Variants in HS3ST4 observed in about 807,000 individuals in gnomAD.
HS3ST4 encodes the protein heparan sulfate glucosamine 3-O-sulfotransferase 4.
Under a neutral mutation model 29.2 loss-of-function variants are expected in HS3ST4, and 17 were observed. The ratio of observed to expected loss-of-function variants is 0.58; its 90% CI spans 0.40 to 0.87. The LOEUF (loss-of-function observed/expected upper bound fraction) is 0.87, where lower values mean the gene tolerates loss of function less well. HS3ST4 is among the 40% of genes least tolerant of loss of function. The pLI is 0.00. For synonymous variants in HS3ST4, 314 were observed against 285.7 expected (o/e 1.10, Z -1.00); for missense variants, 627 against 634.5 (o/e 0.99, Z 0.13).
chr16:25,718,656 T>C (rs1966473809), intron 1 of HS3ST4, among the ~76,000 whole-genome samples: 1 of 152,216 alleles, frequency 6.6e-6, no homozygotes. Flanking sequence ...GGTGAGTTTC[T>C]CCAATTAGGT....
intron 1 of HS3ST4, among the ~76,000 whole-genome samples, chr16:26,066,162 T>C (rs769128794): frequency 5.3e-5 from 8 of 152,234 alleles, no homozygotes; most frequent in Non-Finnish European, 1.2e-4. Flanking sequence ...ACTTGCTTTG[T>C]AAGTGATTTG....
chr16:26,023,448 A>G (rs1316460614), intron 1 of HS3ST4, among the ~76,000 whole-genome samples: 1 of 152,024 alleles, frequency 6.6e-6, no homozygotes, highest in African/African-American at 2.4e-5. Context: ...CACCCAGGCT[A>G]GAGTGCAATG....
chr16:26,062,613 T>G (rs993469803), intron 1 of HS3ST4: 2 of 149,004 alleles, frequency 1.3e-5, no homozygotes, highest in Non-Finnish European at 1.5e-5. Context: ...TGGTATAGTT[T>G]TTTTTTTTTT....
intron 1 of HS3ST4, among the ~76,000 whole-genome samples, chr16:25,747,193 G>A: frequency 6.6e-6 from 1 of 152,168 alleles, no homozygotes; most frequent in African/African-American, 2.4e-5. Flanking sequence ...AGAGAAACTT[G>A]ATATTTGGCA....
At chr16:26,102,446 C>T (rs2141797462) in intron 1 of HS3ST4, among the ~76,000 whole-genome samples, 1 of 152,278 alleles carries the variant, frequency 6.6e-6, no homozygotes, top group Middle Eastern at 3.4e-3. Flanking sequence ...GCACAACCAC[C>T]ACTGTTTCTA....
chr16:25,853,602 TA>T (rs1967543317), intron 1 of HS3ST4, among the ~76,000 whole-genome samples: 2 of 152,232 alleles, frequency 1.3e-5, no homozygotes, highest in South Asian at 4.1e-4. Flanking sequence ...TGAAAGTTTT[TA>T]TCATGAAAGG....
intron 1 of HS3ST4, among the ~76,000 whole-genome samples, chr16:25,695,945 TG>T: frequency 6.6e-6 from 1 of 152,302 alleles, no homozygotes; most frequent in Non-Finnish European, 1.5e-5. Flanking sequence ...ACAGCTGGCT[TG>T]GGGTTTTCTC....
At chr16:26,006,785 G>A (rs112022237) in intron 1 of HS3ST4, among the ~76,000 whole-genome samples, 1,840 of 152,298 alleles carry the variant, frequency 0.012, 45 homozygotes, top group African/African-American at 0.042. Flanking sequence ...ATAATGGCTG[G>A]TAATTATTTA....
At chr16:25,802,171 AAAAC>A (rs1182524557) in intron 1 of HS3ST4, among the ~76,000 whole-genome samples, 10 of 152,230 alleles carry the variant, frequency 6.6e-5, no homozygotes, top group Admixed American at 3.3e-4. Context: ...GCTGTGGAGA[AAAAC>A]AAACAGGGAA....
intron 1 of HS3ST4, among the ~76,000 whole-genome samples, chr16:26,118,904 C>T (rs1236439690): frequency 6.6e-6 from 1 of 152,088 alleles, no homozygotes; most frequent in Non-Finnish European, 1.5e-5. Context: ...CATAATGAGA[C>T]ATTTTTGAAA....
intron 1 of HS3ST4, among the ~76,000 whole-genome samples, chr16:26,114,174 G>A (rs1899171583): frequency 6.6e-6 from 1 of 152,122 alleles, no homozygotes; most frequent in Non-Finnish European, 1.5e-5. Context: ...CAAGTGGCAG[G>A]ACTGTGGCTA....
chr16:25,695,779 T>G (rs1966291304), intron 1 of HS3ST4, among the ~76,000 whole-genome samples: 1 of 152,264 alleles, frequency 6.6e-6, no homozygotes, highest in Non-Finnish European at 1.5e-5. Flanking sequence ...TGATTAGAGA[T>G]CCACAGGTTA....
rs372735193 is a variant in HS3ST4, at chr16:25,828,966, C to T, written c.734+135815C>T. Among the ~76,000 whole-genome samples the T allele has an allele frequency of 1.6e-4, 25 of 152,310 alleles. No individual in the cohort carries two copies. The East Asian group carries it at 3.3e-3, about 20-fold the overall frequency. On this transcript the variant is annotated intron_variant, in intron 1 of 1. Coordinates refer to ENST00000331351, the MANE Select transcript of HS3ST4 (RefSeq NM_006040.3). ...ACGTGAAAGTGCCTGTTGGGGTCTT[C>T]AAGGCAGCTTGGGTTGAGCAATAAA... is the stretch of plus-strand genomic sequence containing the variant.
chr16:25,943,744 C>G (rs1968597423), intron 1 of HS3ST4, among the ~76,000 whole-genome samples: 2 of 152,040 alleles, frequency 1.3e-5, no homozygotes, highest in Non-Finnish European at 2.9e-5. Flanking sequence ...CATTTGTATA[C>G]CATTTTACAA....
chr16:26,014,314 C>A (rs780961673), intron 1 of HS3ST4, among the ~76,000 whole-genome samples: 3 of 152,136 alleles, frequency 2.0e-5, no homozygotes, highest in South Asian at 4.1e-4. Flanking sequence ...AAAGTTCTAT[C>A]GTCACCATTT....
chr16:25,959,094 A>T (rs9932578), intron 1 of HS3ST4, among the ~76,000 whole-genome samples: 2 of 152,190 alleles, frequency 1.3e-5, no homozygotes, highest in African/African-American at 4.8e-5. Flanking sequence ...CAAGGAATTT[A>T]GGGTTAGGAT....
At chr16:25,805,016 T>G (rs186959124) in intron 1 of HS3ST4, among the ~76,000 whole-genome samples, 9 of 152,188 alleles carry the variant, frequency 5.9e-5, no homozygotes, top group African/African-American at 1.9e-4. Flanking sequence ...CACAGGGGCT[T>G]GGGACCAAAG....
intron 1 of HS3ST4, among the ~76,000 whole-genome samples, chr16:26,083,262 C>G (rs1898745320): frequency 6.6e-6 from 1 of 152,214 alleles, no homozygotes; most frequent in Non-Finnish European, 1.5e-5. Flanking sequence ...TTCCCCAGAT[C>G]TAGGCACAGT....
intron 1 of HS3ST4, among the ~76,000 whole-genome samples, chr16:26,083,681 C>G (rs981460548): frequency 6.6e-6 from 1 of 152,092 alleles, no homozygotes; most frequent in Non-Finnish European, 1.5e-5. Context: ...TTGGCTGGTC[C>G]TTGGTCTAGA....
Sources: gnomAD v4.1 joint callset for allele counts (sites outside exome capture counted in the v4.1 genomes callset) on GRCh38, gnomAD v4.1.1 for gene constraint, MANE v1.5 for transcripts, NCBI Gene and HGNC (gene_info 2026-07-23, HGNC 2026-07-21) for gene names.